Variants in GRIK1 observed in about 807,000 individuals in gnomAD.
The protein encoded by GRIK1 is glutamate receptor ionotropic, kainate 1.
GRIK1 carries 69 observed loss-of-function variants against 105.7 expected under a neutral mutation model. That is an observed-to-expected ratio of 0.65 (90% CI 0.54 to 0.80). The LOEUF (loss-of-function observed/expected upper bound fraction) is 0.80, where lower values mean the gene tolerates loss of function less well. GRIK1 is among the 30% of genes least tolerant of loss of function. The pLI is 0.00. For synonymous variants in GRIK1, 438 were observed against 431.3 expected (o/e 1.02, Z -0.19); for missense variants, 1,109 against 1,167.3 (o/e 0.95, Z 0.73).
At chr21:29,825,683 C>A (rs573486604) in intron 1 of GRIK1, among the ~76,000 whole-genome samples, 2 of 152,074 alleles carry the variant, frequency 1.3e-5, no homozygotes, top group Middle Eastern at 3.4e-3. Flanking sequence ...GAAAGCTGTA[C>A]AAATGATCAA....
At chr21:29,772,802 A>C (rs1171249269) in intron 1 of GRIK1, among the ~76,000 whole-genome samples, 2 of 152,164 alleles carry the variant, frequency 1.3e-5, no homozygotes, top group Admixed American at 6.5e-5. Flanking sequence ...TTCACCACTT[A>C]ATGGTTATGT....
At chr21:29,692,996 T>A (rs1462731531) in intron 2 of GRIK1, among the ~76,000 whole-genome samples, 1 of 152,222 alleles carries the variant, frequency 6.6e-6, no homozygotes, top group Non-Finnish European at 1.5e-5. Flanking sequence ...ACTAGATTAA[T>A]TCTACATGGA....
At chr21:29,794,974 G>T (rs2066516745) in intron 1 of GRIK1, among the ~76,000 whole-genome samples, 1 of 150,076 alleles carries the variant, frequency 6.7e-6, no homozygotes, top group African/African-American at 2.5e-5. Context: ...AGAATGTAAG[G>T]TCACCCTGGC....
At chr21:29,584,861 G>T (rs1217600070) in intron 12 of GRIK1, among the ~76,000 whole-genome samples, 1 of 152,126 alleles carries the variant, frequency 6.6e-6, no homozygotes, top group Non-Finnish European at 1.5e-5. Context: ...AGGTGACTTG[G>T]TACATCTACT....
intron 10 of GRIK1, among the ~76,000 whole-genome samples, chr21:29,589,437 T>TTC (rs1435526099): frequency 6.6e-6 from 1 of 151,416 alleles, no homozygotes; most frequent in Non-Finnish European, 1.5e-5. Flanking sequence ...TTTTTTTTTT[T>TTC]TTCTGACGGA....
At chr21:29,735,826 G>A (rs958106244) in intron 1 of GRIK1, among the ~76,000 whole-genome samples, 12 of 140,788 alleles carry the variant, frequency 8.5e-5, no homozygotes, top group Non-Finnish European at 1.7e-4. Context: ...CAGCCTGGGC[G>A]ACAGAGTGAG....
chr21:29,691,120 G>C (rs2063576674), intron 2 of GRIK1, among the ~76,000 whole-genome samples: 1 of 152,118 alleles, frequency 6.6e-6, no homozygotes, highest in East Asian at 1.9e-4. Context: ...AGACCTGCCT[G>C]GCCATCATGG....
intron 15 of GRIK1, among the ~76,000 whole-genome samples, chr21:29,560,907 A>C (rs550818095): frequency 6.6e-6 from 1 of 152,160 alleles, no homozygotes; most frequent in Admixed American, 6.5e-5. Flanking sequence ...GCCATGATAC[A>C]GTTTTCTATA....
intron 7 of GRIK1, among the ~76,000 whole-genome samples, chr21:29,609,232 T>A (rs1483374312): frequency 6.6e-6 from 1 of 152,076 alleles, no homozygotes; most frequent in African/African-American, 2.4e-5. Context: ...TCTCTTTAAC[T>A]CTCTCTTTGG....
At chr21:29,892,829 A>T (rs1173502668) in intron 1 of GRIK1, among the ~76,000 whole-genome samples, 1 of 152,170 alleles carries the variant, frequency 6.6e-6, no homozygotes, top group Non-Finnish European at 1.5e-5. Flanking sequence ...ACTCCAGCAA[A>T]GTATTTTTTG....
At chr21:29,661,275 G>T (rs1006550931) in intron 4 of GRIK1, among the ~76,000 whole-genome samples, 3 of 152,180 alleles carry the variant, frequency 2.0e-5, no homozygotes, top group Non-Finnish European at 4.4e-5. Flanking sequence ...ACCAAATAAT[G>T]GTTCTCTAAA....
At chr21:29,870,905 C>T (rs1014851983) in intron 1 of GRIK1, among the ~76,000 whole-genome samples, 2 of 152,086 alleles carry the variant, frequency 1.3e-5, no homozygotes, top group African/African-American at 2.4e-5. Flanking sequence ...CCTGGCTGAT[C>T]TAGTTTACCG....
chr21:29,799,045 G>T (rs1277880985), intron 1 of GRIK1, among the ~76,000 whole-genome samples: 1 of 152,092 alleles, frequency 6.6e-6, no homozygotes, highest in East Asian at 1.9e-4. Flanking sequence ...TGTAAACATT[G>T]CCTGGAATTG....
intron 4 of GRIK1, among the ~76,000 whole-genome samples, chr21:29,666,980 C>T (rs2063071227): frequency 6.6e-6 from 1 of 152,142 alleles, no homozygotes; most frequent in Non-Finnish European, 1.5e-5. Context: ...TTCTTCTATC[C>T]AGAATGTTCT....
At chr21:29,902,832 T>C (rs941741423) in intron 1 of GRIK1, among the ~76,000 whole-genome samples, 60 of 152,256 alleles carry the variant, frequency 3.9e-4, no homozygotes, top group African/African-American at 1.4e-3. Flanking sequence ...AAGACAATCC[T>C]GGGCAAGAAG....
chr21:29,593,272 G>A (rs769127556), intron 9 of GRIK1, among the ~76,000 whole-genome samples: 5 of 151,992 alleles, frequency 3.3e-5, no homozygotes, highest in Non-Finnish European at 5.9e-5. Flanking sequence ...GTGTCTATTG[G>A]GTTGTAAGCT....
intron 1 of GRIK1, among the ~76,000 whole-genome samples, chr21:29,729,354 G>A (rs972778224): frequency 2.0e-5 from 3 of 152,094 alleles, no homozygotes; most frequent in African/African-American, 4.8e-5. Flanking sequence ...GGCAGCAGTG[G>A]CACCCTTTGG....
At chr21:29,818,125 C>T (rs1043995783) in intron 1 of GRIK1, among the ~76,000 whole-genome samples, 1 of 152,082 alleles carries the variant, frequency 6.6e-6, no homozygotes, top group Non-Finnish European at 1.5e-5. Context: ...AGGGAAAACC[C>T]TATGTTGACT....
At chr21:29,723,896 T>C (rs2064386035) in intron 1 of GRIK1, among the ~76,000 whole-genome samples, 1 of 152,222 alleles carries the variant, frequency 6.6e-6, no homozygotes, top group Admixed American at 6.5e-5. Context: ...GTATTACTCC[T>C]GATTTCACTG....
Sources: allele counts gnomAD v4.1 joint callset (sites outside exome capture counted in the v4.1 genomes callset), GRCh38; gene constraint gnomAD v4.1.1; transcripts MANE v1.5; gene names NCBI Gene and HGNC (gene_info 2026-07-23, HGNC 2026-07-21).